TSPAN4: variants seen among roughly 807,000 people sequenced by gnomAD.
TSPAN4 encodes tetraspanin-4.
TSPAN4 carries 38 observed loss-of-function variants against 31.5 expected under a neutral mutation model. The ratio of observed to expected loss-of-function variants is 1.21; its 90% confidence interval spans 0.93 to 1.58. The LOEUF (loss-of-function observed/expected upper bound fraction) is 1.58, where lower values mean the gene tolerates loss of function less well. TSPAN4 is among the 40% of genes most tolerant of loss of function. The probability of loss-of-function intolerance (pLI) is 0.00; values close to 1 mark genes in which losing one functional copy is unlikely to be tolerated. For synonymous variants in TSPAN4, 186 were observed against 144.6 expected, an observed-to-expected ratio of 1.29 and a Z score of -2.06; for missense variants, 330 against 317.3, an observed-to-expected ratio of 1.04 and a Z score of -0.30.
At chr11:854,327 TG>T (rs1847924908) in intron 3 of TSPAN4, among the ~76,000 whole-genome samples, 1 of 151,998 alleles carries the variant, frequency 6.6e-6, no homozygotes, top group Non-Finnish European at 1.5e-5. Flanking sequence ...GGGGACCGGG[TG>T]GGGGTTGGAG....
intron 4 of TSPAN4, 39 bp from the exon 5 acceptor site, chr11:864,398 G>A (rs372727164): frequency 8.7e-6 from 14 of 1,608,160 alleles, no homozygotes; most frequent in Middle Eastern, 1.6e-4. Flanking sequence ...GAGGCTGTGC[G>A]GCCTTTCGGG....
intron 3 of TSPAN4, among the ~76,000 whole-genome samples, chr11:858,995 G>A (rs1437876431): frequency 7.9e-5 from 7 of 88,384 alleles, no homozygotes; most frequent in East Asian, 3.5e-4. Flanking sequence ...ACGCACCCCT[G>A]GGTCACACGC....
intron 2 of TSPAN4, among the ~76,000 whole-genome samples, chr11:847,610 C>T (rs1371964839): frequency 6.7e-6 from 1 of 150,228 alleles, no homozygotes; most frequent in Non-Finnish European, 1.5e-5. Flanking sequence ...TCCCCGCCCC[C>T]ACCCCCCCCC....
At chr11:847,034 T>G (rs1847359605) in intron 1 of TSPAN4, 167 bp from the exon 2 acceptor site, 1 of 152,330 alleles carries the variant, frequency 6.6e-6, no homozygotes, top group South Asian at 2.1e-4. Flanking sequence ...CTCAGTGGTC[T>G]TCTTCTCCGA....
intron 3 of TSPAN4, among the ~76,000 whole-genome samples, chr11:851,817 C>CGGCA (rs761306313): frequency 6.6e-5 from 10 of 151,828 alleles, no homozygotes; most frequent in East Asian, 1.9e-4. Flanking sequence ...TGTGGGGGCC[C>CGGCA]GGCAGGCAGG....
intron 2 of TSPAN4, chr11:849,842 C>G (rs943382787): frequency 1.4e-5 from 2 of 146,760 alleles, no homozygotes; most frequent in African/African-American, 4.9e-5. Flanking sequence ...GGGGCCGCAG[C>G]GCGCGGGCCG....
chr11:845,074 G>T (rs1047003873), intron 1 of TSPAN4, among the ~76,000 whole-genome samples: 1 of 152,146 alleles, frequency 6.6e-6, no homozygotes, highest in Non-Finnish European at 1.5e-5. Flanking sequence ...GAAACTGCCC[G>T]CCCGGAGGGC....
At chr11:866,383 G>A (rs867840477) in intron 8 of TSPAN4, among the ~76,000 whole-genome samples, 179 bp from the exon 9 acceptor site, 19 of 151,920 alleles carry the variant, frequency 1.3e-4, no homozygotes, top group East Asian at 1.9e-4. Context: ...GCTGTGGCTC[G>A]AGCCACAGGG....
intron 3 of TSPAN4, chr11:859,549 C>G (rs1288214304): frequency 2.8e-5 from 4 of 141,858 alleles, no homozygotes; most frequent in Non-Finnish European, 4.6e-5. Flanking sequence ...ACATGCACTC[C>G]GGCTCACACA....
intron 3 of TSPAN4, among the ~76,000 whole-genome samples, chr11:861,173 TTTAA>T (rs1050060859): frequency 6.6e-6 from 1 of 152,146 alleles, no homozygotes; most frequent in African/African-American, 2.4e-5. Context: ...CTCTTCCTGT[TTTAA>T]TTGATTTTTA....
At chr11:859,566 C>T (rs915128150) in intron 3 of TSPAN4, 1 of 138,832 alleles carries the variant, frequency 7.2e-6, no homozygotes, top group African/African-American at 2.8e-5. Context: ...CACACACCCT[C>T]ACTCATGCAC....
intron 3 of TSPAN4, among the ~76,000 whole-genome samples, chr11:851,938 GT>G: frequency 6.6e-6 from 1 of 151,726 alleles, no homozygotes; most frequent in South Asian, 2.1e-4. Context: ...CCCAGGGGGG[GT>G]CTCTCTGCTC....
At chr11:857,731 T>G (rs1301950487) in intron 3 of TSPAN4, 4 of 152,234 alleles carry the variant, frequency 2.6e-5, no homozygotes, top group Admixed American at 1.3e-4. Context: ...GACAGTTTTC[T>G]CTGTTGTGCT....
At chr11:851,771 C>CG (rs1847754937) in intron 3 of TSPAN4, among the ~76,000 whole-genome samples, 2 of 147,934 alleles carry the variant, frequency 1.4e-5, no homozygotes, top group African/African-American at 5.1e-5. Context: ...GTTTCTGTGA[C>CG]GGGGGGACGG....
chr11:864,401 C>T (rs1261766764), intron 4 of TSPAN4, 36 bp from the exon 5 acceptor site: 1 of 1,609,298 alleles, frequency 6.2e-7, no homozygotes, highest in Admixed American at 1.7e-5. Context: ...GCTGTGCGGC[C>T]TTTCGGGTCC....
At chr11:866,242 G>A (rs1277831484) in intron 8 of TSPAN4, among the ~76,000 whole-genome samples, 10 of 150,960 alleles carry the variant, frequency 6.6e-5, no homozygotes, top group East Asian at 2.0e-4. Context: ...CATGTTGGTC[G>A]GTGGCCCAGG....
intron 3 of TSPAN4, 62 bp from the exon 4 acceptor site, chr11:862,488 G>C: frequency 1.4e-6 from 2 of 1,439,594 alleles, no homozygotes. Context: ...GCTCTGCCCT[G>C]GGGTCCAGAG....
At chr11:845,405 CTGGGAGA>C (rs1565126753) in intron 1 of TSPAN4, among the ~76,000 whole-genome samples, 1 of 152,040 alleles carries the variant, frequency 6.6e-6, no homozygotes, top group South Asian at 2.1e-4. Flanking sequence ...CTCTACGGTC[CTGGGAGA>C]CCGGCGCTGT....
At chr11:855,474 C>T (rs1378862307) in intron 3 of TSPAN4, among the ~76,000 whole-genome samples, 1 of 152,234 alleles carries the variant, frequency 6.6e-6, no homozygotes, top group Non-Finnish European at 1.5e-5. Context: ...ACCCACCCTG[C>T]AGGAGCCAGC....
Sources: allele counts gnomAD v4.1 joint callset (sites outside exome capture counted in the v4.1 genomes callset), GRCh38; gene constraint gnomAD v4.1.1; transcripts MANE v1.5; gene names NCBI Gene and HGNC (gene_info 2026-07-23, HGNC 2026-07-21).